Variants in MYOM1 observed in about 807,000 individuals in gnomAD.
The protein encoded by MYOM1 is myomesin-1.
In MYOM1, 164 loss-of-function variants were observed where a neutral mutation model predicts 205.3. That is an observed-to-expected ratio of 0.80 (90% CI 0.70 to 0.91). The LOEUF is 0.91. Among genes scored for constraint, MYOM1 ranks in the 40% least tolerant of loss-of-function variants. The probability of loss-of-function intolerance (pLI) is 0.00; values close to 1 mark genes in which losing one functional copy is unlikely to be tolerated. For missense variants in MYOM1, 2,011 were observed against 2,127.3 expected, an observed-to-expected ratio of 0.95 and a Z score of 1.08; for synonymous variants, 772 against 789.4, an observed-to-expected ratio of 0.98 and a Z score of 0.37.
At chr18:3,155,298 T>A (rs1011498006) in intron 10 of MYOM1, among the ~76,000 whole-genome samples, 3 of 152,196 alleles carry the variant, frequency 2.0e-5, no homozygotes, top group African/African-American at 7.2e-5. Flanking sequence ...CTCAGCTCAC[T>A]GCAAGCTCCA....
chr18:3,244,290 T>C, the MYOM1 span, among the ~76,000 whole-genome samples: 1 of 152,290 alleles, frequency 6.6e-6, no homozygotes, highest in East Asian at 1.9e-4. Context: ...TCACATTTAG[T>C]GGGCCTTGAG....
chr18:3,227,794 G>GGGC, the MYOM1 span, among the ~76,000 whole-genome samples: 1 of 152,010 alleles, frequency 6.6e-6, no homozygotes, highest in African/African-American at 2.4e-5. Flanking sequence ...CTAGGCCAGG[G>GGGC]GGCCGTACGA....
chr18:3,148,943 A>G (rs2080177304), intron 13 of MYOM1, among the ~76,000 whole-genome samples: 1 of 151,644 alleles, frequency 6.6e-6, no homozygotes, highest in Admixed American at 6.6e-5. Flanking sequence ...ACATATTTGC[A>G]GTATACCGTA....
chr18:3,114,495 A>C (rs1447066626), intron 21 of MYOM1, among the ~76,000 whole-genome samples: 1 of 148,464 alleles, frequency 6.7e-6, no homozygotes, highest in East Asian at 2.0e-4. Context: ...CTCCCATCTC[A>C]GCCTCCTGAG....
intron 33 of MYOM1, among the ~76,000 whole-genome samples, chr18:3,082,746 T>C (rs562535438): frequency 6.6e-6 from 1 of 152,158 alleles, no homozygotes; most frequent in Non-Finnish European, 1.5e-5. Flanking sequence ...ATGGGAGGCC[T>C]GGTTTGATTT....
chr18:3,081,277 G>A (rs900922415), intron 33 of MYOM1, among the ~76,000 whole-genome samples: 1 of 152,142 alleles, frequency 6.6e-6, no homozygotes, highest in African/African-American at 2.4e-5. Context: ...AGGTACTATT[G>A]GTCCTATTTT....
At chr18:3,118,780 A>G (rs1237884824) in intron 20 of MYOM1, among the ~76,000 whole-genome samples, 1 of 152,226 alleles carries the variant, frequency 6.6e-6, no homozygotes, top group African/African-American at 2.4e-5. Flanking sequence ...GGACTTAAGA[A>G]ATACCAACTG....
At chr18:3,186,506 CAT>C (rs1262612453) in intron 5 of MYOM1, among the ~76,000 whole-genome samples, 1 of 152,136 alleles carries the variant, frequency 6.6e-6, no homozygotes, top group African/African-American at 2.4e-5. Flanking sequence ...ATATTTGTGA[CAT>C]GTGACAGGAA....
At chr18:3,131,054 T>C (rs2079868387) in intron 17 of MYOM1, among the ~76,000 whole-genome samples, 1 of 152,210 alleles carries the variant, frequency 6.6e-6, no homozygotes, top group African/African-American at 2.4e-5. Context: ...TACCACTTCA[T>C]GGAATCGGAA....
chr18:3,174,518 T>C (rs1598743336), intron 6 of MYOM1, among the ~76,000 whole-genome samples: 1 of 152,010 alleles, frequency 6.6e-6, no homozygotes, highest in East Asian at 1.9e-4. Context: ...GCTAGGCACA[T>C]AAATTATAGA....
chr18:3,099,038 T>C (rs1381854585), intron 25 of MYOM1, among the ~76,000 whole-genome samples: 2 of 152,148 alleles, frequency 1.3e-5, no homozygotes, highest in African/African-American at 4.8e-5. Context: ...ACTGCAGCCT[T>C]GAACTCCTGG....
intron 5 of MYOM1, among the ~76,000 whole-genome samples, chr18:3,186,871 GGAGA>G (rs200138924): frequency 1.4e-5 from 2 of 140,472 alleles, no homozygotes; most frequent in East Asian, 2.1e-4. Context: ...AGGAAGGAAG[GGAGA>G]GAGAGAAAGA....
At chr18:3,113,609 A>G (rs9652917) in intron 21 of MYOM1, among the ~76,000 whole-genome samples, 132,755 of 152,142 alleles carry the variant, frequency 0.87, 58,439 homozygotes, top group East Asian at 0.97. Context: ...TTGGGATTAC[A>G]GGAGTGAGCC....
intron 5 of MYOM1, among the ~76,000 whole-genome samples, chr18:3,184,570 T>G (rs1189436459): frequency 6.6e-6 from 1 of 152,222 alleles, no homozygotes; most frequent in Admixed American, 6.5e-5. Context: ...GTTCTTTTTT[T>G]GTTTGTTTGT....
At chr18:3,231,663 C>T in the MYOM1 span, among the ~76,000 whole-genome samples, 1 of 151,444 alleles carries the variant, frequency 6.6e-6, no homozygotes, top group African/African-American at 2.4e-5. Context: ...CCTCAGCCTC[C>T]CCAGTAGCTG....
At position 3,188,706 on chromosome 18, in the gene MYOM1, C is replaced by T; in HGVS notation, c.771+42G>A. ...ACACACACACACCCCTTATGACATG[C>T]ATTTCCACCTTTGTAAGTTACTTTA... On this transcript the variant is annotated intron_variant, in intron 4 of 37. Transcript: ENST00000356443. The T allele has an allele frequency of 3.4e-6, 5 of 1,470,122 alleles. No homozygotes were observed. The South Asian group carries it at 5.5e-5, about 16-fold the overall frequency. The allele number at this position is 1,470,122 out of a possible 1,614,324, so 91.1% of individuals were successfully genotyped here. A position where few individuals can be genotyped will look rare whatever the true frequency, so the allele number is the denominator to read the frequency against.
chr18:3,230,707 C>CT, the MYOM1 span, among the ~76,000 whole-genome samples: 6,324 of 152,312 alleles, frequency 0.042, 178 homozygotes, highest in Non-Finnish European at 0.058. Context: ...CAATGGGGAA[C>CT]TTCTAGAGGG....
In MYOM1 at chr18:3,102,479, G is replaced by C; in HGVS notation, c.3570C>G (p.Gly1190=). 7 of 1,610,758 alleles carry C rather than the reference G, an allele frequency of 4.3e-6. No individual in the cohort carries two copies. The highest frequency in any genetic ancestry group is 5.9e-6 in the Non-Finnish European group (7 of 1,178,252). Residue 1190 remains glycine, a synonymous_variant, in exon 23 of 38, where the codon GGC becomes GGG. Coordinates refer to ENST00000356443, the MANE Select transcript of MYOM1 (RefSeq NM_003803.4). ...GTGATTGACATAGTCCTTACTTGTT[G>C]CCCTTGCTTTCGACTTCCAATCGTG... ...DSPRLEVESK[G]NKTKMTFKDL...
At chr18:3,180,261 A>G (rs767937622) in intron 5 of MYOM1, among the ~76,000 whole-genome samples, 1 of 152,204 alleles carries the variant, frequency 6.6e-6, no homozygotes, top group Non-Finnish European at 1.5e-5. Context: ...CAACTTTTCT[A>G]TTATCACCAC....
Sources: allele counts gnomAD v4.1 joint callset (sites outside exome capture counted in the v4.1 genomes callset), GRCh38; gene constraint gnomAD v4.1.1; transcripts MANE v1.5; gene names NCBI Gene and HGNC (gene_info 2026-07-23, HGNC 2026-07-21).